Variants in VEGFC observed in about 807,000 individuals in gnomAD.
VEGFC encodes the protein FLT4 ligand DHM.
In VEGFC, 12 loss-of-function variants were observed where a neutral mutation model predicts 46.1. The ratio of observed to expected loss-of-function variants is 0.26; its 90% CI spans 0.17 to 0.42. The LOEUF (loss-of-function observed/expected upper bound fraction) is 0.42. VEGFC is among the 10% of genes least tolerant of loss of function. The probability of loss-of-function intolerance (pLI) is 1.00; values close to 1 mark genes in which losing one functional copy is unlikely to be tolerated. For synonymous variants in VEGFC, 232 were observed against 195.5 expected, an observed-to-expected ratio of 1.19 and a Z score of -1.56; for missense variants, 488 against 529.4, an observed-to-expected ratio of 0.92 and a Z score of 0.77.
In VEGFC at chr4:176,698,422, CA is replaced by C. The variant is rs1175608283; in HGVS notation, c.705-10496del. Among the ~76,000 whole-genome samples, 4 of 151,840 alleles carry C rather than the reference CA, an allele frequency of 2.6e-5. No individual in the cohort carries two copies. The East Asian group carries it at 7.7e-4, about 29-fold the overall frequency. On this transcript the variant is annotated intron_variant, in intron 4 of 6. Transcript: ENST00000618562. ...TCTTATACATTTGTATATACATATA[CA>C]TATATATAATATTCATGCATTTTTC...
At chr4:176,770,624 C>T (rs766443891) in intron 1 of VEGFC, among the ~76,000 whole-genome samples, 3 of 148,652 alleles carry the variant, frequency 2.0e-5, no homozygotes, top group Admixed American at 6.6e-5. Flanking sequence ...AATATATTTT[C>T]GACTTTGAAA....
At chr4:176,790,202 C>T (rs371514319) in intron 1 of VEGFC, among the ~76,000 whole-genome samples, 9 of 152,182 alleles carry the variant, frequency 5.9e-5, no homozygotes, top group East Asian at 3.9e-4. Flanking sequence ...CACTGGGGAA[C>T]GACACTTTAA....
intron 1 of VEGFC, among the ~76,000 whole-genome samples, chr4:176,788,366 G>T (rs1736037169): frequency 6.6e-6 from 1 of 152,198 alleles, no homozygotes; most frequent in Admixed American, 6.5e-5. Flanking sequence ...GCCCCTAACT[G>T]CAAAGTCACA....
chr4:176,767,861 T>A (rs1010486517), intron 1 of VEGFC, among the ~76,000 whole-genome samples: 1 of 152,128 alleles, frequency 6.6e-6, no homozygotes, highest in Non-Finnish European at 1.5e-5. Context: ...GTGAGACTGG[T>A]AAACAGAACG....
intron 3 of VEGFC, among the ~76,000 whole-genome samples, chr4:176,719,356 A>T (rs954443911): frequency 6.6e-6 from 1 of 152,062 alleles, no homozygotes; most frequent in South Asian, 2.1e-4. Flanking sequence ...ATTTCCTTTT[A>T]TATTTGAAGG....
intron 4 of VEGFC, among the ~76,000 whole-genome samples, chr4:176,693,539 T>C (rs537585845): frequency 4.4e-4 from 63 of 142,472 alleles, no homozygotes; most frequent in South Asian, 1.3e-3. Flanking sequence ...TGGAACCAAG[T>C]TGGAAAACAC....
intron 1 of VEGFC, among the ~76,000 whole-genome samples, chr4:176,737,596 T>A (rs1392397782): frequency 6.6e-6 from 1 of 151,194 alleles, no homozygotes; most frequent in African/African-American, 2.4e-5. Context: ...AATAATAATA[T>A]AAATTCAGAT....
chr4:176,767,957 A>G (rs556732744), intron 1 of VEGFC, among the ~76,000 whole-genome samples: 132 of 152,284 alleles, frequency 8.7e-4, no homozygotes, highest in Non-Finnish European at 1.6e-3. Context: ...TTGAAGACAC[A>G]GCCAAGAGGA....
At chr4:176,784,708 G>A (rs4571283) in intron 1 of VEGFC, among the ~76,000 whole-genome samples, 99,615 of 136,752 alleles carry the variant, frequency 0.73, 40,815 homozygotes, top group East Asian at 0.99. Context: ...AGCTGAGATA[G>A]CACCACTGCA....
At chr4:176,754,000 G>A (rs1735391900) in intron 1 of VEGFC, among the ~76,000 whole-genome samples, 1 of 151,996 alleles carries the variant, frequency 6.6e-6, no homozygotes, top group African/African-American at 2.4e-5. Flanking sequence ...GAACTCATGA[G>A]GGAAGTCAGA....
At chr4:176,724,208 G>T (rs1424817770) in intron 3 of VEGFC, among the ~76,000 whole-genome samples, 1 of 152,212 alleles carries the variant, frequency 6.6e-6, no homozygotes, top group African/African-American at 2.4e-5. Context: ...CAAGGCAGCA[G>T]TTTTAAAGCC....
intron 6 of VEGFC, among the ~76,000 whole-genome samples, chr4:176,685,488 AAC>A (rs1441853839): frequency 6.6e-6 from 1 of 152,164 alleles, no homozygotes; most frequent in Non-Finnish European, 1.5e-5. Flanking sequence ...AGTTGCAGTA[AAC>A]AGAGTCTTTT....
At chr4:176,717,698 A>G (rs1325912372) in intron 3 of VEGFC, among the ~76,000 whole-genome samples, 1 of 152,100 alleles carries the variant, frequency 6.6e-6, no homozygotes, top group Non-Finnish European at 1.5e-5. Flanking sequence ...AAATCTCACT[A>G]CCATATTTAA....
intron 3 of VEGFC, among the ~76,000 whole-genome samples, chr4:176,721,704 G>C (rs966971343): frequency 6.6e-6 from 1 of 152,162 alleles, no homozygotes; most frequent in South Asian, 2.1e-4. Context: ...CAGAACACTG[G>C]AAAAAGAATA....
chr4:176,722,748 T>C (rs1209720954), intron 3 of VEGFC, among the ~76,000 whole-genome samples: 3 of 152,060 alleles, frequency 2.0e-5, no homozygotes, highest in Non-Finnish European at 4.4e-5. Flanking sequence ...GATCTGCCTG[T>C]CTTGGCATCC....
At chr4:176,684,388 A>G (rs1474966256) in intron 6 of VEGFC, among the ~76,000 whole-genome samples, 3 of 152,226 alleles carry the variant, frequency 2.0e-5, no homozygotes, top group Admixed American at 6.5e-5. Context: ...CTGTGATCAC[A>G]TAAGCATGGC....
intron 1 of VEGFC, among the ~76,000 whole-genome samples, chr4:176,751,583 T>G (rs184487597): frequency 2.6e-5 from 4 of 151,850 alleles, no homozygotes; most frequent in South Asian, 4.1e-4. Context: ...ACAACAGATT[T>G]CTACATATAT....
intron 1 of VEGFC, among the ~76,000 whole-genome samples, chr4:176,753,329 C>T (rs1024145391): frequency 2.0e-5 from 3 of 152,052 alleles, no homozygotes; most frequent in South Asian, 2.1e-4. Context: ...CCAGCAACTG[C>T]ACCTTATGGA....
At chr4:176,771,880 G>A (rs1735729173) in intron 1 of VEGFC, among the ~76,000 whole-genome samples, 1 of 152,148 alleles carries the variant, frequency 6.6e-6, no homozygotes, top group African/African-American at 2.4e-5. Flanking sequence ...ATGGTATTCT[G>A]TTATCAGAGG....
Sources: allele counts gnomAD v4.1 joint callset (sites outside exome capture counted in the v4.1 genomes callset), GRCh38; gene constraint gnomAD v4.1.1; transcripts MANE v1.5; gene names NCBI Gene and HGNC (gene_info 2026-07-23, HGNC 2026-07-21).